Variants in NSUN6 observed in about 807,000 individuals in gnomAD.
NSUN6 encodes the protein tRNA (cytosine(72)-C(5))-methyltransferase NSUN6.
A neutral mutation model predicts 58.0 loss-of-function variants in NSUN6; 64 were observed. That is an observed-to-expected ratio of 1.10 (90% CI 0.90 to 1.36). NSUN6 has a LOEUF of 1.36. NSUN6 is among the 40% of genes most tolerant of loss of function. The pLI, the probability that NSUN6 is intolerant of heterozygous loss-of-function variation, is 0.00. For missense variants in NSUN6, 701 were observed against 550.1 expected, an observed-to-expected ratio of 1.27 and a Z score of -2.74; for synonymous variants, 231 against 193.9, an observed-to-expected ratio of 1.19 and a Z score of -1.59.
chr10:18,646,873 C>T (rs893796677), intron 2 of NSUN6, among the ~76,000 whole-genome samples: 2 of 152,224 alleles, frequency 1.3e-5, no homozygotes, highest in East Asian at 1.9e-4. Flanking sequence ...ATGGATACTT[C>T]CAGTGGGCCT....
intron 8 of NSUN6, among the ~76,000 whole-genome samples, chr10:18,565,007 T>C (rs2055822487): frequency 6.7e-6 from 1 of 149,136 alleles, no homozygotes; most frequent in Non-Finnish European, 1.5e-5. Context: ...TTCCATTCCA[T>C]CACATTCCAT....
chr10:18,546,359 A>G (rs994243954), intron 10 of NSUN6, among the ~76,000 whole-genome samples: 2 of 152,204 alleles, frequency 1.3e-5, no homozygotes, highest in African/African-American at 4.8e-5. Context: ...ATGAACAAAT[A>G]CCTATTATTA....
chr10:18,628,442 C>G (rs769032211), intron 3 of NSUN6, among the ~76,000 whole-genome samples: 6 of 152,056 alleles, frequency 3.9e-5, no homozygotes, highest in South Asian at 2.1e-4. Context: ...AGGCTTCAGA[C>G]GACCAAATTA....
intron 8 of NSUN6, among the ~76,000 whole-genome samples, chr10:18,553,978 CAA>C (rs1564705180): frequency 1.5e-5 from 2 of 137,690 alleles, no homozygotes; most frequent in African/African-American, 2.7e-5. Context: ...ATGGAATCGA[CAA>C]TGCAGAATGG....
At position 18,651,255 on chromosome 10, in the gene NSUN6, T is replaced by C. The variant is rs1564854149; in HGVS notation, c.-52A>G. On this transcript the variant is annotated 5_prime_UTR_variant, in exon 1 of 11. Coordinates refer to ENST00000377304, the MANE Select transcript of NSUN6 (RefSeq NM_182543.5). ...AGAGAAATGCTGGAAAACGGTGTTT[T>C]GTTTTTTTTTTTCTTTCCGAATTAA... 6.8e-7 allele frequency: 1 copy of C among 1,480,560 alleles called. No homozygotes were observed. The highest frequency in any genetic ancestry group is 8.9e-7 in the Non-Finnish European group (1 of 1,117,846). The allele number at this position is 1,480,560 out of a possible 1,614,324, so 91.7% of individuals were successfully genotyped here.
At chr10:18,566,557 C>T (rs1463229539) in intron 8 of NSUN6, among the ~76,000 whole-genome samples, 1 of 146,632 alleles carries the variant, frequency 6.8e-6, no homozygotes, top group Non-Finnish European at 1.5e-5. Context: ...TTCCATTCTC[C>T]ATTCCATTCC....
intron 8 of NSUN6, among the ~76,000 whole-genome samples, chr10:18,568,846 CTA>C (rs756931358): frequency 8.5e-5 from 4 of 46,916 alleles, no homozygotes; most frequent in African/African-American, 3.6e-4. Flanking sequence ...CTATTCCATT[CTA>C]CATTCAATTC....
At chr10:18,593,086 C>T (rs1210790931) in intron 7 of NSUN6, among the ~76,000 whole-genome samples, 1 of 152,112 alleles carries the variant, frequency 6.6e-6, no homozygotes, top group Non-Finnish European at 1.5e-5. Context: ...ATTTATGCTG[C>T]CAATAAACAT....
rs778042055 is a variant in NSUN6, at chr10:18,616,285, A to T, written c.320T>A (p.Ile107Asn). The T allele has an allele frequency of 6.3e-7, 1 of 1,598,468 alleles. No individual in the cohort carries two copies. Among genetic ancestry groups the T allele is most frequent in the Non-Finnish European group, 8.6e-7 (1 of 1,166,000 alleles). ...LIPVIGPRKNIKKQQCEAIVG... is the reference protein window; with the variant it reads ...LIPVIGPRKNNKKQQCEAIVG... Reference sequence around the variant, plus strand: ...AATGGCTTCACACTGTTGTTTTTTAATATTCTTTCTAGAAATGTAAGACAC... The same window carrying T: ...AATGGCTTCACACTGTTGTTTTTTATTATTCTTTCTAGAAATGTAAGACAC... The change falls in exon 4 of 11, where the codon ATT becomes AAT. Residue 107 changes from isoleucine (I) to asparagine (N), a missense_variant. Ile to Asn is a moderately radical substitution (Grantham distance 149). Coordinates refer to ENST00000377304, the MANE Select transcript of NSUN6 (RefSeq NM_182543.5).
intron 8 of NSUN6, among the ~76,000 whole-genome samples, chr10:18,558,930 C>A (rs12570585): frequency 0.67 from 88,431 of 131,866 alleles, 27,676 homozygotes; most frequent in East Asian, 0.97. Flanking sequence ...TGAGAATGGA[C>A]TGGACAATGG....
rs151171361 is a variant in NSUN6 at position 18,637,899 on chromosome 10, G to A, written c.311+4577C>T. ...CATCTTTTCTATTTTCTAAAAATGA[G>A]TACAAATGACTGTACATGTGCATTC... On this transcript the variant is annotated intron_variant, in intron 3 of 10. Transcript: ENST00000377304. Among the ~76,000 whole-genome samples, 555 of 152,224 alleles carry A rather than the reference G, an allele frequency of 3.6e-3. 4 individuals are homozygous for A. The highest frequency in any genetic ancestry group is 0.012 in the African/African-American group (503 of 41,542).
intron 7 of NSUN6, among the ~76,000 whole-genome samples, chr10:18,595,502 A>T (rs1048688744): frequency 6.6e-6 from 1 of 152,174 alleles, no homozygotes; most frequent in Admixed American, 6.5e-5. Flanking sequence ...ACGCCACAAA[A>T]TCAACCCTTC....
intron 7 of NSUN6, among the ~76,000 whole-genome samples, chr10:18,594,308 CT>C (rs1288345790): frequency 1.3e-5 from 2 of 151,932 alleles, no homozygotes; most frequent in Non-Finnish European, 2.9e-5. Flanking sequence ...TATTTTCTTG[CT>C]TTGTTTTCCC....
At chr10:18,569,707 A>G (rs1474430176) in intron 8 of NSUN6, among the ~76,000 whole-genome samples, 2 of 147,336 alleles carry the variant, frequency 1.4e-5, no homozygotes, top group Non-Finnish European at 3.0e-5. Context: ...TCCACTCTCC[A>G]TTCTATTCCA....
At chr10:18,633,742 T>C (rs1020145091) in intron 3 of NSUN6, among the ~76,000 whole-genome samples, 46 of 152,196 alleles carry the variant, frequency 3.0e-4, no homozygotes, top group African/African-American at 1.1e-3. Flanking sequence ...AGACAATCTG[T>C]TGTTTTCTCT....
intron 8 of NSUN6, among the ~76,000 whole-genome samples, chr10:18,577,472 C>T (rs180899889): frequency 7.2e-5 from 11 of 152,212 alleles, no homozygotes; most frequent in Admixed American, 3.3e-4. Context: ...TCATATCACG[C>T]ATCCATGGGT....
intron 6 of NSUN6, among the ~76,000 whole-genome samples, chr10:18,602,254 T>G (rs1264342218): frequency 6.6e-6 from 1 of 150,436 alleles, no homozygotes; most frequent in African/African-American, 2.4e-5. Flanking sequence ...TTTTTTTTGT[T>G]TTTTTTTGAG....
At chr10:18,588,977 A>G (rs1189565751) in intron 7 of NSUN6, among the ~76,000 whole-genome samples, 1 of 152,222 alleles carries the variant, frequency 6.6e-6, no homozygotes, top group Non-Finnish European at 1.5e-5. Flanking sequence ...CCTCTGAGCT[A>G]AAGGAGCATG....
chr10:18,569,812 C>G (rs1175695938), intron 8 of NSUN6, among the ~76,000 whole-genome samples: 2 of 151,028 alleles, frequency 1.3e-5, no homozygotes, highest in Non-Finnish European at 3.0e-5. Context: ...ATTCCATTCT[C>G]TATTCCATTC....
Sources: gnomAD v4.1 joint callset for allele counts (sites outside exome capture counted in the v4.1 genomes callset) on GRCh38, gnomAD v4.1.1 for gene constraint, MANE v1.5 for transcripts, NCBI Gene and HGNC (gene_info 2026-07-23, HGNC 2026-07-21) for gene names.